The following GPHN variants were observed in gnomAD, a reference collection of about 807,000 sequenced individuals.
The protein encoded by GPHN is gephyrin.
GPHN carries 17 observed loss-of-function variants against 95.5 expected under a neutral mutation model. The observed-to-expected ratio is 0.18, with a 90% CI of 0.12 to 0.27. GPHN has a LOEUF of 0.27. Ranked by LOEUF, GPHN falls within the 10% of genes least tolerant of loss-of-function variation. GPHN has a pLI of 1.00. For synonymous variants in GPHN, 320 were observed against 322.5 expected (o/e 0.99, Z 0.08); for missense variants, 660 against 978.1 (o/e 0.67, Z 4.34).
rs531586653 is a variant in GPHN, at chr14:66,666,185, G to A, written c.65-14922G>A. Reference sequence around the variant, plus strand: ...TTAATGGGTGCAGCACAGCAACATGGCACACGTATACATATGTAACAAACC... The same window carrying A: ...TTAATGGGTGCAGCACAGCAACATGACACACGTATACATATGTAACAAACC... On this transcript the variant is annotated intron_variant, in intron 1 of 22. Coordinates refer to ENST00000478722, the MANE Select transcript of GPHN (RefSeq NM_020806.5). Among the ~76,000 whole-genome samples, 69 of 151,912 alleles carry A rather than the reference G, an allele frequency of 4.5e-4. 1 individual carries two copies. In the South Asian group the frequency reaches 0.014, roughly 30 times the overall value.
the GPHN span, among the ~76,000 whole-genome samples, chr14:67,260,345 T>A: frequency 6.6e-6 from 1 of 152,194 alleles, no homozygotes; most frequent in African/African-American, 2.4e-5. Flanking sequence ...ACAACCCTCC[T>A]CTCTCTCATT....
chr14:66,656,545 T>C (rs2065318052), intron 1 of GPHN, among the ~76,000 whole-genome samples: 1 of 152,194 alleles, frequency 6.6e-6, no homozygotes, highest in African/African-American at 2.4e-5. Context: ...CAAAGGTTTA[T>C]GGCAATCCTG....
the GPHN span, among the ~76,000 whole-genome samples, chr14:67,678,993 T>C: frequency 6.6e-6 from 1 of 152,330 alleles, no homozygotes; most frequent in Middle Eastern, 3.4e-3. Context: ...TTGGTCCATT[T>C]TGTGGTACTG....
intron 2 of GPHN, among the ~76,000 whole-genome samples, chr14:66,743,599 A>G (rs949987029): frequency 6.6e-6 from 1 of 152,122 alleles, no homozygotes; most frequent in African/African-American, 2.4e-5. Context: ...AAAATTAGCC[A>G]GGCGTGGTGG....
chr14:66,722,969 CA>C (rs1294869349), intron 2 of GPHN, among the ~76,000 whole-genome samples: 1 of 152,144 alleles, frequency 6.6e-6, no homozygotes, highest in East Asian at 1.9e-4. Flanking sequence ...TTTCCCTTAA[CA>C]AACCCACATC....
intron 2 of GPHN, among the ~76,000 whole-genome samples, chr14:66,720,008 A>G (rs565101998): frequency 1.3e-5 from 2 of 152,170 alleles, no homozygotes; most frequent in Non-Finnish European, 2.9e-5. Context: ...TAAGGCAGTA[A>G]TCTAGAAGGT....
chr14:66,810,275 A>G (rs2060705388), intron 3 of GPHN, among the ~76,000 whole-genome samples: 1 of 151,988 alleles, frequency 6.6e-6, no homozygotes, highest in African/African-American at 2.4e-5. Flanking sequence ...CATAGTGACT[A>G]TTATTAAAAA....
chr14:66,676,186 T>G (rs1451546829), intron 1 of GPHN, among the ~76,000 whole-genome samples: 2 of 152,126 alleles, frequency 1.3e-5, no homozygotes, highest in African/African-American at 4.8e-5. Context: ...CAGTTTCTAT[T>G]ATTTTTCTTC....
At chr14:67,294,484 A>G in the GPHN span, 1 of 152,214 alleles carries the variant, frequency 6.6e-6, no homozygotes, top group Non-Finnish European at 1.5e-5. Context: ...TAAGTTAAAA[A>G]AAAAAACTCA....
chr14:67,058,905 T>C (rs763210318), intron 11 of GPHN, 119 bp downstream of exon 11: 3 of 928,524 alleles, frequency 3.2e-6, no homozygotes, highest in South Asian at 2.7e-5. Flanking sequence ...ATTACAGTTA[T>C]CATCATTCTT....
At chr14:66,676,327 C>T (rs1455928446) in intron 1 of GPHN, among the ~76,000 whole-genome samples, 2 of 152,054 alleles carry the variant, frequency 1.3e-5, no homozygotes, top group Admixed American at 6.6e-5. Flanking sequence ...ATTTTTCTTA[C>T]AAGGAATTCC....
the GPHN span, among the ~76,000 whole-genome samples, chr14:67,478,093 G>A: frequency 3.3e-5 from 5 of 152,214 alleles, no homozygotes; most frequent in Non-Finnish European, 5.9e-5. Context: ...AACAACTACC[G>A]TCTACTATTA....
intron 11 of GPHN, among the ~76,000 whole-genome samples, chr14:67,079,620 A>G (rs1237074854): frequency 6.6e-6 from 1 of 152,034 alleles, no homozygotes; most frequent in East Asian, 1.9e-4. Flanking sequence ...TTGTGGTGGT[A>G]AAAACACAAC....
the GPHN span, among the ~76,000 whole-genome samples, chr14:67,358,749 G>C: frequency 6.6e-6 from 1 of 152,156 alleles, no homozygotes; most frequent in Non-Finnish European, 1.5e-5. Flanking sequence ...AGGAGAAAGG[G>C]AGCAAGTTGT....
chr14:66,729,219 C>T (rs140013664), intron 2 of GPHN, among the ~76,000 whole-genome samples: 276 of 152,226 alleles, frequency 1.8e-3, no homozygotes, highest in Non-Finnish European at 3.0e-3. Flanking sequence ...TGCCCTGTCT[C>T]GGGTATGTCT....
At chr14:66,708,361 T>C (rs1456769668) in intron 2 of GPHN, among the ~76,000 whole-genome samples, 1 of 152,184 alleles carries the variant, frequency 6.6e-6, no homozygotes, top group Non-Finnish European at 1.5e-5. Context: ...ATCTCCATGC[T>C]TCCACAAATG....
chr14:66,715,946 A>G (rs2070136640), intron 2 of GPHN, among the ~76,000 whole-genome samples: 1 of 152,046 alleles, frequency 6.6e-6, no homozygotes, highest in Non-Finnish European at 1.5e-5. Flanking sequence ...GTTGAATAGA[A>G]TGTGTATTCT....
chr14:67,685,342 CA>C, the GPHN span: 1 of 641,030 alleles, frequency 1.6e-6, no homozygotes, highest in Non-Finnish European at 2.7e-6. Context: ...AAGTACTGCT[CA>C]CAGTAATTTA....
intron 9 of GPHN, among the ~76,000 whole-genome samples, chr14:66,981,705 G>A (rs962695101): frequency 6.6e-6 from 1 of 152,026 alleles, no homozygotes; most frequent in African/African-American, 2.4e-5. Flanking sequence ...CAACTCCTTA[G>A]CACAAACAAA....
Sources: allele counts gnomAD v4.1 joint callset (sites outside exome capture counted in the v4.1 genomes callset), GRCh38; gene constraint gnomAD v4.1.1; transcripts MANE v1.5; gene names NCBI Gene and HGNC (gene_info 2026-07-23, HGNC 2026-07-21).